PARD3: variants seen among roughly 807,000 people sequenced by gnomAD.
The protein encoded by PARD3 is partitioning defective 3 homolog.
Under a neutral mutation model 155.4 loss-of-function variants are expected in PARD3, and 75 were observed. That is an observed-to-expected ratio of 0.48 (90% CI 0.40 to 0.58). PARD3 has a LOEUF of 0.58. Ranked by LOEUF, PARD3 falls within the 20% of genes least tolerant of loss-of-function variation. The pLI is 0.00. For synonymous variants in PARD3, 576 were observed against 610.5 expected, an observed-to-expected ratio of 0.94 and a Z score of 0.83; for missense variants, 1,642 against 1,721.7, an observed-to-expected ratio of 0.95 and a Z score of 0.82.
At chr10:34,511,874 C>CA (rs1422755982) in intron 3 of PARD3, among the ~76,000 whole-genome samples, 2 of 152,146 alleles carry the variant, frequency 1.3e-5, no homozygotes, top group African/African-American at 2.4e-5. Context: ...TGCAGTCACA[C>CA]ACCACCATGC....
intron 3 of PARD3, among the ~76,000 whole-genome samples, chr10:34,470,982 T>G (rs1281826743): frequency 6.6e-6 from 1 of 152,170 alleles, no homozygotes; most frequent in African/African-American, 2.4e-5. Flanking sequence ...TCACATATTC[T>G]CCGTAAATAC....
chr10:34,305,881 G>A (rs552663342), intron 20 of PARD3, among the ~76,000 whole-genome samples: 2 of 152,284 alleles, frequency 1.3e-5, no homozygotes, highest in East Asian at 1.9e-4. Flanking sequence ...AGCTACTCAG[G>A]AGACTGAGGC....
At chr10:34,391,011 T>A (rs1377958424) in intron 7 of PARD3, among the ~76,000 whole-genome samples, 4 of 152,160 alleles carry the variant, frequency 2.6e-5, no homozygotes, top group Non-Finnish European at 5.9e-5. Flanking sequence ...CCCCATTGAG[T>A]GGCAGGGCTC....
intron 3 of PARD3, among the ~76,000 whole-genome samples, chr10:34,486,863 T>C (rs989388530): frequency 1.3e-5 from 2 of 152,044 alleles, no homozygotes; most frequent in African/African-American, 4.8e-5. Flanking sequence ...ATATTATATA[T>C]GTACACATAT....
chr10:34,256,207 T>C (rs1954645060), intron 22 of PARD3, among the ~76,000 whole-genome samples: 1 of 152,242 alleles, frequency 6.6e-6, no homozygotes, highest in African/African-American at 2.4e-5. Flanking sequence ...ATGGACATTA[T>C]CAATCAATTC....
chr10:34,123,872 C>A (rs940669376), intron 23 of PARD3, among the ~76,000 whole-genome samples: 1 of 152,098 alleles, frequency 6.6e-6, no homozygotes, highest in Non-Finnish European at 1.5e-5. Context: ...ACATGAATAT[C>A]CACAGTACAA....
chr10:34,398,269 G>A (rs979619255), intron 7 of PARD3, among the ~76,000 whole-genome samples: 2 of 151,936 alleles, frequency 1.3e-5, no homozygotes, highest in Non-Finnish European at 2.9e-5. Flanking sequence ...TACTACCATT[G>A]TTCAAATACT....
Position 34,447,589 on chromosome 10 carries a change from T to C in PARD3, c.714+2728A>G, listed in dbSNP as rs2076815155. On this transcript the variant is annotated intron_variant, in intron 5 of 24. Transcript: ENST00000374788. ...AGGCCGAGGCGGGCAGATCATGAGG[T>C]CAATAGATCAAGACCACCTTGACCA... Among the ~76,000 whole-genome samples the C allele has an allele frequency of 3.7e-5, 5 of 135,866 alleles. No homozygotes were observed. In the South Asian group the frequency reaches 1.0e-3, roughly 28 times the overall value. The allele number at this position is 135,866 out of a possible 152,430, so 89.1% of individuals were successfully genotyped here.
At chr10:34,312,976 G>T (rs1249999330) in intron 20 of PARD3, among the ~76,000 whole-genome samples, 2 of 152,108 alleles carry the variant, frequency 1.3e-5, no homozygotes, top group Non-Finnish European at 2.9e-5. Flanking sequence ...TATCTTGCTG[G>T]TTATTTCAAT....
intron 1 of PARD3, among the ~76,000 whole-genome samples, chr10:34,768,026 A>AT (rs549743909): frequency 6.6e-6 from 1 of 152,196 alleles, no homozygotes; most frequent in South Asian, 2.1e-4. Flanking sequence ...CATATGTGCA[A>AT]TTTTTTCTTC....
chr10:34,466,195 C>T (rs542282059), intron 4 of PARD3, among the ~76,000 whole-genome samples: 1 of 152,268 alleles, frequency 6.6e-6, no homozygotes, highest in South Asian at 2.1e-4. Context: ...CCCTCTCCAT[C>T]TCACTTCCAA....
At chr10:34,512,632 T>C (rs1035131690) in intron 3 of PARD3, among the ~76,000 whole-genome samples, 3 of 152,236 alleles carry the variant, frequency 2.0e-5, no homozygotes, top group Non-Finnish European at 4.4e-5. Context: ...GGGTTGGTCA[T>C]TGATTCTAGA....
At chr10:34,586,712 C>T (rs903814464) in intron 2 of PARD3, among the ~76,000 whole-genome samples, 3 of 152,086 alleles carry the variant, frequency 2.0e-5, no homozygotes, top group South Asian at 2.1e-4. Context: ...TTTGGGAGGC[C>T]GAGGCGAGTT....
chr10:34,579,516 GACA>G (rs1299043328), intron 2 of PARD3, among the ~76,000 whole-genome samples: 3 of 151,246 alleles, frequency 2.0e-5, no homozygotes, highest in Non-Finnish European at 4.4e-5. Flanking sequence ...TTCACTGTCA[GACA>G]ACGTGAACTA....
At chr10:34,288,469 GA>G (rs952833128) in intron 20 of PARD3, among the ~76,000 whole-genome samples, 70 of 151,450 alleles carry the variant, frequency 4.6e-4, no homozygotes, top group African/African-American at 9.9e-4. Context: ...ATGTAAAAAA[GA>G]AAAAAAAGTA....
chr10:34,308,999 G>C (rs1387528699), intron 20 of PARD3, among the ~76,000 whole-genome samples: 1 of 152,096 alleles, frequency 6.6e-6, no homozygotes. Flanking sequence ...ACCACGATGA[G>C]GGATGAAAAT....
chr10:34,684,878 T>TACACACAC (rs57035644), intron 2 of PARD3, among the ~76,000 whole-genome samples: 4,073 of 137,824 alleles, frequency 0.03, 91 homozygotes, highest in Middle Eastern at 0.077. Context: ...TACACACACA[T>TACACACAC]ACACACACAC....
intron 2 of PARD3, among the ~76,000 whole-genome samples, chr10:34,621,485 C>T (rs1214068304): frequency 1.3e-5 from 2 of 152,128 alleles, no homozygotes; most frequent in African/African-American, 2.4e-5. Context: ...GGCAAGCCAC[C>T]GCGCCCGGCC....
At chr10:34,150,845 T>G (rs1948744288) in intron 22 of PARD3, among the ~76,000 whole-genome samples, 1 of 152,202 alleles carries the variant, frequency 6.6e-6, no homozygotes, top group Middle Eastern at 3.2e-3. Flanking sequence ...TCTAAAGTAT[T>G]ATCATAATTA....
Sources: gnomAD v4.1 joint callset for allele counts (sites outside exome capture counted in the v4.1 genomes callset) on GRCh38, gnomAD v4.1.1 for gene constraint, MANE v1.5 for transcripts, NCBI Gene and HGNC (gene_info 2026-07-23, HGNC 2026-07-21) for gene names.